The following MYOF variants were observed in gnomAD, a reference collection of about 807,000 sequenced individuals.
MYOF encodes the protein fer-1-like 3, myoferlin.
A neutral mutation model predicts 284.2 loss-of-function variants in MYOF; 244 were observed. The ratio of observed to expected loss-of-function variants is 0.86; its 90% confidence interval spans 0.77 to 0.95. The LOEUF is 0.95. Among genes scored for constraint, MYOF ranks in the 40% least tolerant of loss-of-function variants. The probability of loss-of-function intolerance (pLI) is 0.00; values close to 1 mark genes in which losing one functional copy is unlikely to be tolerated. For synonymous variants in MYOF, 904 were observed against 919.7 expected, an observed-to-expected ratio of 0.98 and a Z score of 0.31; for missense variants, 2,496 against 2,560.6, an observed-to-expected ratio of 0.97 and a Z score of 0.54.
chr10:93,454,864 A>C (rs150192247), intron 2 of MYOF, among the ~76,000 whole-genome samples: 281 of 152,076 alleles, frequency 1.8e-3, no homozygotes, highest in African/African-American at 6.5e-3. Flanking sequence ...CTGTAGTCCC[A>C]GCTATTCAGG....
chr10:93,345,402 T>C (rs1011304039), intron 37 of MYOF, among the ~76,000 whole-genome samples: 3 of 152,182 alleles, frequency 2.0e-5, no homozygotes, highest in South Asian at 4.1e-4. Flanking sequence ...CCAAAGCTTG[T>C]GTTTTAACCA....
chr10:93,459,062 C>T (rs924601188), intron 1 of MYOF, among the ~76,000 whole-genome samples: 4 of 152,354 alleles, frequency 2.6e-5, no homozygotes, highest in Non-Finnish European at 4.4e-5. Flanking sequence ...TAAGCTTCAG[C>T]GTGACGCTCC....
rs573897113 is a variant in MYOF at position 93,391,078 on chromosome 10, G to A, written c.1456+1839C>T. On this transcript the variant is annotated intron_variant, in intron 17 of 53. Coordinates refer to ENST00000359263, the MANE Select transcript of MYOF (RefSeq NM_013451.4). ...CCACCTGGTTCCCTTGAATGACTGT[G>A]CTGTCATGTGTATTTGCTTTTTGTT... Among the ~76,000 whole-genome samples the A allele has an allele frequency of 1.4e-4, 22 of 152,326 alleles. 1 individual carries two copies. The highest frequency in any genetic ancestry group is 6.8e-3 in the Middle Eastern group (2 of 294).
At chr10:93,462,563 C>A (rs1404299835) in intron 1 of MYOF, among the ~76,000 whole-genome samples, 1 of 152,058 alleles carries the variant, frequency 6.6e-6, no homozygotes, top group Non-Finnish European at 1.5e-5. Flanking sequence ...TGCATTTAAC[C>A]ACTGCACCTC....
At chr10:93,420,639 A>G (rs1848320240) in intron 5 of MYOF, among the ~76,000 whole-genome samples, 1 of 152,228 alleles carries the variant, frequency 6.6e-6, no homozygotes, top group Non-Finnish European at 1.5e-5. Flanking sequence ...TCCAGCATAA[A>G]TACTTCTAAT....
intron 1 of MYOF, among the ~76,000 whole-genome samples, chr10:93,476,017 A>C (rs2057252245): frequency 6.6e-6 from 1 of 152,294 alleles, no homozygotes; most frequent in East Asian, 1.9e-4. Flanking sequence ...GGAATGACTC[A>C]GGAGATTAAA....
intron 1 of MYOF, among the ~76,000 whole-genome samples, chr10:93,472,712 T>C (rs2057176874): frequency 1.3e-5 from 2 of 152,230 alleles, no homozygotes; most frequent in Non-Finnish European, 2.9e-5. Context: ...TCTTACGTTA[T>C]ATGTGTTTTA....
intron 3 of MYOF, among the ~76,000 whole-genome samples, chr10:93,450,882 G>A (rs527712642): frequency 6.6e-6 from 1 of 152,244 alleles, no homozygotes; most frequent in African/African-American, 2.4e-5. Context: ...TAATTTGATA[G>A]TATACTTTAT....
intron 4 of MYOF, among the ~76,000 whole-genome samples, chr10:93,427,357 C>A (rs1319907361): frequency 6.6e-6 from 1 of 151,030 alleles, no homozygotes; most frequent in African/African-American, 2.4e-5. Flanking sequence ...ACAGTAAAAC[C>A]CCATCTCTAC....
chr10:93,320,419 A>C (rs1186228059), intron 48 of MYOF, among the ~76,000 whole-genome samples: 1 of 152,200 alleles, frequency 6.6e-6, no homozygotes, highest in Non-Finnish European at 1.5e-5. Flanking sequence ...TTAGCTCAAA[A>C]TTTTAGCATT....
chr10:93,351,602 C>T (rs771595248), intron 33 of MYOF, 31 bp from the exon 34 acceptor site: 16 of 1,610,834 alleles, frequency 9.9e-6, no homozygotes, highest in East Asian at 4.5e-5. Context: ...TTAAATTCCC[C>T]GACAATCATC....
At chr10:93,397,547 G>T in intron 13 of MYOF, 91 bp from the exon 14 acceptor site, 1 of 891,786 alleles carries the variant, frequency 1.1e-6, no homozygotes, top group Non-Finnish European at 1.7e-6. Context: ...GACTTTAGCA[G>T]TTTACTTATA....
chr10:93,399,577 A>C (rs574371422), intron 12 of MYOF, 82 bp from the exon 13 acceptor site: 2 of 953,064 alleles, frequency 2.1e-6, no homozygotes, highest in Admixed American at 2.2e-5. Flanking sequence ...CTTATACATC[A>C]AAATAGTTGC....
At chr10:93,341,577 T>G (rs572175397) in intron 38 of MYOF, among the ~76,000 whole-genome samples, 14 of 152,328 alleles carry the variant, frequency 9.2e-5, no homozygotes, top group African/African-American at 3.4e-4. Context: ...GTGCCCGGCC[T>G]AAAAGGCATT....
At chr10:93,321,412 C>CTT (rs35765868) in intron 48 of MYOF, among the ~76,000 whole-genome samples, 2,733 of 121,130 alleles carry the variant, frequency 0.023, 43 homozygotes, top group Non-Finnish European at 0.031. Flanking sequence ...GACTATTAAC[C>CTT]TTTTTTTTTT....
At chr10:93,309,416 G>A (rs916436668) in intron 53 of MYOF, among the ~76,000 whole-genome samples, 4 of 152,124 alleles carry the variant, frequency 2.6e-5, no homozygotes, top group African/African-American at 4.8e-5. Context: ...TTGGACTCCC[G>A]TTTATGACTG....
chr10:93,443,713 C>A (rs2056346332), intron 3 of MYOF, among the ~76,000 whole-genome samples: 1 of 152,198 alleles, frequency 6.6e-6, no homozygotes, highest in Non-Finnish European at 1.5e-5. Context: ...GATCACTGTT[C>A]TGTGCCAGCA....
chr10:93,452,446 A>C (rs578031568), intron 2 of MYOF, among the ~76,000 whole-genome samples: 55 of 151,460 alleles, frequency 3.6e-4, no homozygotes, highest in Non-Finnish European at 7.2e-4. Flanking sequence ...CGACTACCAC[A>C]ACTGCTGCAA....
Position 93,323,316 on chromosome 10 carries a change from C to T in MYOF, c.5314G>A (p.Gly1772Arg), listed in dbSNP as rs746960831. ...MWVDVFPKSL[G>R]PPGPPFNITP... The stretch of plus-strand genomic sequence containing the variant: ...ATGTTGAAAGGAGGGCCTGGTGGCC[C>T]CAAACTCTTGGGGAAAACATCCACC... Residue 1772 changes from glycine (G) to arginine (R), a missense_variant, in exon 47 of 54, where the codon GGG becomes AGG. By Grantham distance (125) the Gly-to-Arg change is moderately radical (BLOSUM62 -2). Transcript: ENST00000359263. 1.2e-6 allele frequency: 2 copies of T among 1,613,950 alleles called. No homozygotes were observed. The highest frequency in any genetic ancestry group is 1.1e-5 in the South Asian group (1 of 91,064).
Sources: gnomAD v4.1 joint callset for allele counts (sites outside exome capture counted in the v4.1 genomes callset) on GRCh38, gnomAD v4.1.1 for gene constraint, MANE v1.5 for transcripts, NCBI Gene and HGNC (gene_info 2026-07-23, HGNC 2026-07-21) for gene names.